The following LUC7L2 variants were observed in gnomAD, a reference collection of about 807,000 sequenced individuals.
LUC7L2 encodes the protein LUC7 like 2, pre-mRNA splicing factor.
Under a neutral mutation model 52.8 loss-of-function variants are expected in LUC7L2, and 25 were observed. That is an observed-to-expected ratio of 0.47 (90% CI 0.34 to 0.66). LUC7L2 has a LOEUF of 0.66. LUC7L2 is among the 30% of genes least tolerant of loss of function. The pLI is 0.01. For synonymous variants in LUC7L2, 144 were observed against 160.9 expected, an observed-to-expected ratio of 0.89 and a Z score of 0.80; for missense variants, 328 against 497.8, an observed-to-expected ratio of 0.66 and a Z score of 3.25.
intron 2 of LUC7L2, among the ~76,000 whole-genome samples, chr7:139,389,882 A>T (rs556782375): frequency 1.6e-4 from 24 of 152,334 alleles, no homozygotes; most frequent in African/African-American, 4.6e-4. Context: ...TAAACATCTT[A>T]CTTGATCTGA....
At chr7:139,412,462 C>A in intron 7 of LUC7L2, 89 bp from the exon 8 acceptor site, 1 of 1,463,384 alleles carries the variant, frequency 6.8e-7, no homozygotes, top group Non-Finnish European at 9.2e-7. Context: ...TTAATGTAAA[C>A]ATTAGAAATC....
chr7:139,405,845 A>T, intron 5 of LUC7L2, 58 bp downstream of exon 5: 11 of 1,520,176 alleles, frequency 7.2e-6, no homozygotes, highest in Non-Finnish European at 9.7e-6. Context: ...TACAAATAAA[A>T]AGTAGTAGAT....
chr7:139,347,946 C>T (rs1261871257), intron 1 of LUC7L2, among the ~76,000 whole-genome samples: 2 of 152,108 alleles, frequency 1.3e-5, no homozygotes, highest in Admixed American at 6.6e-5. Flanking sequence ...AGTGATCGCC[C>T]GCCTGGGCCT....
At chr7:139,409,462 G>A in intron 6 of LUC7L2, 101 bp from the exon 7 acceptor site, 1 of 1,314,260 alleles carries the variant, frequency 7.6e-7, no homozygotes, top group Non-Finnish European at 9.8e-7. Flanking sequence ...GATTTTGACA[G>A]CAGTTGTACT....
Position 139,423,216 on chromosome 7 carries a change from T to G in LUC7L2, c.*876T>G, listed in dbSNP as rs1262989404. ...TCACTAGAACTATTTGCTGTGGGCA[T>G]TTCCTCTATTCTGTTACGTCATTAA... On this transcript the variant is annotated 3_prime_UTR_variant, in exon 10 of 10. Transcript: ENST00000354926. 1 of 398,926 alleles carries G rather than the reference T, an allele frequency of 2.5e-6. No homozygotes were observed. The highest frequency in any genetic ancestry group is 4.4e-5 in the Admixed American group (1 of 22,712). 24.7% of individuals were successfully genotyped at this position (398,926 alleles called of 1,614,324 possible). A position where few individuals can be genotyped will look rare whatever the true frequency, so the allele number is the denominator to read the frequency against.
intron 1 of LUC7L2, among the ~76,000 whole-genome samples, chr7:139,350,738 C>T (rs1159788174): frequency 6.6e-6 from 1 of 150,392 alleles, no homozygotes; most frequent in Admixed American, 6.6e-5. Flanking sequence ...TGCAGTGGTG[C>T]GATCTTGGCT....
chr7:139,392,900 C>T (rs183905483), intron 2 of LUC7L2, among the ~76,000 whole-genome samples: 1,978 of 152,070 alleles, frequency 0.013, 48 homozygotes, highest in African/African-American at 0.045. Flanking sequence ...GTGATCTGCC[C>T]GCCTCGGCCT....
At chr7:139,363,556 T>C (rs1799986097) in intron 1 of LUC7L2, among the ~76,000 whole-genome samples, 1 of 152,200 alleles carries the variant, frequency 6.6e-6, no homozygotes, top group South Asian at 2.1e-4. Context: ...AAAATAAATA[T>C]ATTTTAAGTT....
intron 2 of LUC7L2, among the ~76,000 whole-genome samples, chr7:139,384,382 C>T (rs1414116574): frequency 2.0e-5 from 3 of 151,936 alleles, no homozygotes; most frequent in African/African-American, 4.8e-5. Context: ...TCTCCTGCCT[C>T]AGCCTCCCGA....
chr7:139,380,746 A>AAAAC (rs1246262916), intron 2 of LUC7L2, among the ~76,000 whole-genome samples: 12 of 152,304 alleles, frequency 7.9e-5, no homozygotes, highest in African/African-American at 2.6e-4. Context: ...AGATTTAGGC[A>AAAAC]AAACAAAAAA....
At chr7:139,402,115 T>A (rs1192628078) in intron 3 of LUC7L2, 22 bp from the exon 4 acceptor site, 1 of 1,560,444 alleles carries the variant, frequency 6.4e-7, no homozygotes, top group Admixed American at 2.2e-5. Flanking sequence ...TGACAGTAAT[T>A]GTCTTTAATT....
chr7:139,348,663 G>A lies in LUC7L2; in HGVS notation c.-26+8146G>A, dbSNP rs532900075. Among the ~76,000 whole-genome samples, 25 of 151,766 alleles carry A rather than the reference G, an allele frequency of 1.6e-4. No homozygotes were observed. In the South Asian group the frequency reaches 5.2e-3, roughly 32 times the overall value. On this transcript the variant is annotated intron_variant, in intron 1 of 10. Transcript: ENST00000541170. ...GAACCCGGGAGGTGGAGGTTGCAGT[G>A]AGCCAAGATCACACAACTGCACTCA...
chr7:139,404,756 T>G (rs1007739010), intron 4 of LUC7L2, among the ~76,000 whole-genome samples: 1 of 152,244 alleles, frequency 6.6e-6, no homozygotes, highest in Non-Finnish European at 1.5e-5. Context: ...CAGGCGAGTA[T>G]GCTGAAAATC....
Position 139,423,058 on chromosome 7 carries a change from G to C in LUC7L2, c.*718G>C. On this transcript the variant is annotated 3_prime_UTR_variant, in exon 10 of 10. Coordinates refer to ENST00000354926, the MANE Select transcript of LUC7L2 (RefSeq NM_016019.5). The stretch of plus-strand genomic sequence containing the variant: ...GGGGGTGGGGGCAGGGACTCTTTTC[G>C]TAATAAGCACTTGTTTTATTTTGTG... 2.5e-6 allele frequency: 1 copy of C among 398,874 alleles called. No homozygotes were observed. The highest frequency in any genetic ancestry group is 4.4e-6 in the Non-Finnish European group (1 of 226,042). The allele number at this position is 398,874 out of a possible 1,614,324, so 24.7% of individuals were successfully genotyped here. A position where few individuals can be genotyped will look rare whatever the true frequency, so the allele number is the denominator to read the frequency against.
At chr7:139,376,623 T>A (rs886776349) in intron 2 of LUC7L2, among the ~76,000 whole-genome samples, 2 of 152,178 alleles carry the variant, frequency 1.3e-5, no homozygotes, top group Admixed American at 1.3e-4. Flanking sequence ...AAAATATTGC[T>A]CCTGCTAATA....
At position 139,401,017 on chromosome 7, in the gene LUC7L2, G is replaced by A. The variant is rs533760854; in HGVS notation, c.256-1120G>A. ...CTTGAATTAGTTATATTTCTGTACA[G>A]TAAGATTTGGAAGTCCAAACTTGAG... On this transcript the variant is annotated intron_variant, in intron 3 of 9. Transcript: ENST00000354926. 3.3e-5 allele frequency among the ~76,000 whole-genome samples: 5 copies of A among 152,270 alleles called. No homozygotes were observed. The South Asian group carries it at 1.0e-3, about 32-fold the overall frequency.
chr7:139,381,724 A>T (rs1381583047), intron 2 of LUC7L2, among the ~76,000 whole-genome samples: 1 of 151,054 alleles, frequency 6.6e-6, no homozygotes, highest in African/African-American at 2.4e-5. Flanking sequence ...TTACAGACAC[A>T]CGCCACCATG....
intron 1 of LUC7L2, among the ~76,000 whole-genome samples, chr7:139,350,102 A>G (rs1487752247): frequency 1.3e-5 from 2 of 151,518 alleles, no homozygotes; most frequent in Non-Finnish European, 2.9e-5. Context: ...TTTGTTGAGC[A>G]TACTGATTTT....
intron 1 of LUC7L2, among the ~76,000 whole-genome samples, chr7:139,368,030 T>A (rs1800253602): frequency 6.6e-6 from 1 of 152,232 alleles, no homozygotes; most frequent in Non-Finnish European, 1.5e-5. Context: ...CACGTGAGTC[T>A]GGACACCATG....
Sources: allele counts gnomAD v4.1 joint callset (sites outside exome capture counted in the v4.1 genomes callset), GRCh38; gene constraint gnomAD v4.1.1; transcripts MANE v1.5; gene names NCBI Gene and HGNC (gene_info 2026-07-23, HGNC 2026-07-21).